Variants in THEMIS observed in about 807,000 individuals in gnomAD.
THEMIS encodes the protein thymocyte selection associated.
A neutral mutation model predicts 52.6 loss-of-function variants in THEMIS; 37 were observed. The observed-to-expected ratio is 0.70, with a 90% CI of 0.54 to 0.93. THEMIS has a LOEUF of 0.93. THEMIS is among the 40% of genes least tolerant of loss of function. The pLI is 0.00. For missense variants in THEMIS, 808 were observed against 763.1 expected (o/e 1.06, Z -0.69); for synonymous variants, 292 against 272.7 (o/e 1.07, Z -0.70).
chr6:127,896,525 A>G (rs1164898089), intron 1 of THEMIS, among the ~76,000 whole-genome samples: 3 of 151,618 alleles, frequency 2.0e-5, no homozygotes, highest in Non-Finnish European at 3.0e-5. Flanking sequence ...TTAGTGGGTC[A>G]GAAGACTTAA....
intron 4 of THEMIS, among the ~76,000 whole-genome samples, chr6:127,797,028 G>C (rs1011597691): frequency 6.6e-6 from 1 of 152,158 alleles, no homozygotes; most frequent in Admixed American, 6.5e-5. Context: ...CTAAGTCAAG[G>C]CTTCTTCCTG....
chr6:127,848,587 T>A (rs933443666), intron 2 of THEMIS, among the ~76,000 whole-genome samples: 10 of 152,124 alleles, frequency 6.6e-5, no homozygotes, highest in Non-Finnish European at 8.8e-5. Context: ...CCAGCCCCTG[T>A]TGTTTCCTGA....
intron 3 of THEMIS, among the ~76,000 whole-genome samples, chr6:127,821,173 T>TGAGAGA (rs34348403): frequency 1.3e-5 from 2 of 149,376 alleles, no homozygotes; most frequent in Admixed American, 1.3e-4. Context: ...TCTGTGTGTG[T>TGAGAGA]GAGAGAGAGA....
chr6:127,838,177 A>G (rs1322036951), intron 2 of THEMIS, among the ~76,000 whole-genome samples: 1 of 152,084 alleles, frequency 6.6e-6, no homozygotes, highest in African/African-American at 2.4e-5. Context: ...AATATATTAC[A>G]TGTATTTTCA....
intron 4 of THEMIS, among the ~76,000 whole-genome samples, chr6:127,732,177 T>G (rs889169492): frequency 2.0e-5 from 3 of 152,094 alleles, no homozygotes; most frequent in African/African-American, 7.2e-5. Context: ...TATGGTTTCA[T>G]TTTCCCAGTG....
At chr6:127,814,323 TA>T (rs1311449158) in intron 3 of THEMIS, among the ~76,000 whole-genome samples, 1 of 152,216 alleles carries the variant, frequency 6.6e-6, no homozygotes, top group Non-Finnish European at 1.5e-5. Context: ...AATATGTATG[TA>T]AATGTGTTCA....
At chr6:127,882,194 TACAGCCA>T (rs1780506611) in intron 1 of THEMIS, among the ~76,000 whole-genome samples, 1 of 151,824 alleles carries the variant, frequency 6.6e-6, no homozygotes, top group Admixed American at 6.6e-5. Flanking sequence ...AAGTACCCAA[TACAGCCA>T]TTCTGTTTTT....
intron 2 of THEMIS, among the ~76,000 whole-genome samples, chr6:127,844,754 C>T (rs1272902962): frequency 6.6e-6 from 1 of 151,862 alleles, no homozygotes; most frequent in South Asian, 2.1e-4. Context: ...ATAAACCACA[C>T]ATGACATGAT....
At chr6:127,757,767 A>G (rs888601293) in intron 4 of THEMIS, among the ~76,000 whole-genome samples, 7 of 151,964 alleles carry the variant, frequency 4.6e-5, no homozygotes, top group Non-Finnish European at 1.0e-4. Flanking sequence ...ACAGGCATGA[A>G]CCACCATGCC....
At chr6:127,833,867 A>G (rs1778783751) in intron 2 of THEMIS, among the ~76,000 whole-genome samples, 1 of 152,248 alleles carries the variant, frequency 6.6e-6, no homozygotes, top group Non-Finnish European at 1.5e-5. Context: ...AGCCACAAGA[A>G]ACATGTGAAA....
At chr6:127,780,338 TTACTC>T (rs1291161096) in intron 4 of THEMIS, among the ~76,000 whole-genome samples, 2 of 152,196 alleles carry the variant, frequency 1.3e-5, no homozygotes, top group African/African-American at 2.4e-5. Context: ...CGATGGGTCT[TTACTC>T]TACCCAATTT....
At chr6:127,698,026 C>T in the THEMIS span, among the ~76,000 whole-genome samples, 1 of 152,064 alleles carries the variant, frequency 6.6e-6, no homozygotes, top group African/African-American at 2.4e-5. Context: ...TTGCTCTATA[C>T]AACTCGCCAA....
At chr6:127,701,346 C>T in the THEMIS span, among the ~76,000 whole-genome samples, 1 of 152,012 alleles carries the variant, frequency 6.6e-6, no homozygotes, top group Non-Finnish European at 1.5e-5. Flanking sequence ...AAAAAACATC[C>T]AAGCTGTTGC....
chr6:127,816,407 A>G (rs1160658002), intron 3 of THEMIS, among the ~76,000 whole-genome samples: 2 of 152,104 alleles, frequency 1.3e-5, no homozygotes, highest in African/African-American at 4.8e-5. Flanking sequence ...TCAGATCTCC[A>G]CTTGGACATC....
chr6:127,896,073 T>C (rs559806950), intron 1 of THEMIS, among the ~76,000 whole-genome samples: 57 of 151,596 alleles, frequency 3.8e-4, no homozygotes, highest in East Asian at 3.7e-3. Context: ...GTAATTATCA[T>C]AAAAGTTACA....
intron 1 of THEMIS, among the ~76,000 whole-genome samples, chr6:127,857,993 C>T (rs528007667): frequency 5.3e-5 from 8 of 152,128 alleles, no homozygotes; most frequent in South Asian, 2.1e-4. Flanking sequence ...CATAATCTAA[C>T]GTAGCCCATT....
At chr6:127,730,326 G>GAGAAA (rs1418205934) in intron 4 of THEMIS, among the ~76,000 whole-genome samples, 49 of 128,724 alleles carry the variant, frequency 3.8e-4, no homozygotes, top group African/African-American at 1.4e-3. Flanking sequence ...GAGAAAAAAA[G>GAGAAA]AAAAGAAAAG....
intron 4 of THEMIS, among the ~76,000 whole-genome samples, chr6:127,801,582 C>T (rs269996): frequency 0.27 from 40,757 of 151,798 alleles, 6,930 homozygotes; most frequent in Non-Finnish European, 0.39. Flanking sequence ...ACCTTTTTTG[C>T]TTTTTTGCCA....
intron 1 of THEMIS, among the ~76,000 whole-genome samples, chr6:127,869,926 T>C (rs1780104857): frequency 6.6e-6 from 1 of 152,126 alleles, no homozygotes; most frequent in Non-Finnish European, 1.5e-5. Flanking sequence ...CAATAAAGGC[T>C]GAATAGAGAA....
Sources: gnomAD v4.1 joint callset for allele counts (sites outside exome capture counted in the v4.1 genomes callset) on GRCh38, gnomAD v4.1.1 for gene constraint, MANE v1.5 for transcripts, NCBI Gene and HGNC (gene_info 2026-07-23, HGNC 2026-07-21) for gene names.